Variants in DPP6 observed in about 807,000 individuals in gnomAD.
The protein encoded by DPP6 is dipeptidyl peptidase like 6, also known as A-type potassium channel modulatory protein DPP6.
Under a neutral mutation model 122.6 loss-of-function variants are expected in DPP6, and 69 were observed. That is an observed-to-expected ratio of 0.56 (90% CI 0.46 to 0.69). The LOEUF (loss-of-function observed/expected upper bound fraction) is 0.69. Among genes scored for constraint, DPP6 ranks in the 30% least tolerant of loss-of-function variants. The probability of loss-of-function intolerance (pLI) is 0.00; values close to 1 mark genes in which losing one functional copy is unlikely to be tolerated. For synonymous variants in DPP6, 418 were observed against 433.1 expected (o/e 0.97, Z 0.43); for missense variants, 928 against 1,116.9 (o/e 0.83, Z 2.41).
chr7:154,845,172 A>ACGCTGAGT (rs899941580), intron 16 of DPP6, among the ~76,000 whole-genome samples: 2 of 152,188 alleles, frequency 1.3e-5, no homozygotes, highest in African/African-American at 4.8e-5. Context: ...TTTTTATACA[A>ACGCTGAGT]CGCTGAGTCC....
chr7:153,976,681 A>G (rs1210414940), intron 1 of DPP6, among the ~76,000 whole-genome samples: 1 of 152,254 alleles, frequency 6.6e-6, no homozygotes. Flanking sequence ...AAGAAAATGA[A>G]TATTTTCAAA....
intron 17 of DPP6, among the ~76,000 whole-genome samples, chr7:154,860,601 G>C (rs959512629): frequency 1.3e-5 from 2 of 152,234 alleles, no homozygotes; most frequent in African/African-American, 2.4e-5. Context: ...AGTCCAGGGA[G>C]GTGTGGCACT....
intron 1 of DPP6, among the ~76,000 whole-genome samples, chr7:154,225,115 C>G (rs1800518776): frequency 6.6e-6 from 1 of 152,084 alleles, no homozygotes; most frequent in Non-Finnish European, 1.5e-5. Context: ...GCACTCCAGC[C>G]TGGGTGACAG....
chr7:154,367,505 TCCA>T (rs1812285152), intron 1 of DPP6, among the ~76,000 whole-genome samples: 1 of 152,238 alleles, frequency 6.6e-6, no homozygotes, highest in African/African-American at 2.4e-5. Flanking sequence ...TAAGAAAATC[TCCA>T]CCAACACCTG....
At chr7:154,203,597 A>G (rs1430180410) in intron 1 of DPP6, among the ~76,000 whole-genome samples, 1 of 152,204 alleles carries the variant, frequency 6.6e-6, no homozygotes, top group Non-Finnish European at 1.5e-5. Flanking sequence ...CTGAGCACCA[A>G]GCAAGCGACA....
chr7:153,814,413 A>T, the DPP6 span, among the ~76,000 whole-genome samples: 1 of 152,254 alleles, frequency 6.6e-6, no homozygotes, highest in South Asian at 2.1e-4. Flanking sequence ...ACCAGGAAGA[A>T]GTTGACTCTC....
chr7:154,759,911 C>CA (rs1417822473), intron 8 of DPP6, among the ~76,000 whole-genome samples: 2 of 152,190 alleles, frequency 1.3e-5, no homozygotes, highest in African/African-American at 4.8e-5. Flanking sequence ...ATCACGAGGT[C>CA]AGGAGTTCAA....
At chr7:154,378,597 G>A (rs1364521042) in intron 1 of DPP6, among the ~76,000 whole-genome samples, 1 of 152,194 alleles carries the variant, frequency 6.6e-6, no homozygotes, top group Admixed American at 6.5e-5. Context: ...CAGAAAGAGA[G>A]AGAGAAGAGA....
intron 1 of DPP6, among the ~76,000 whole-genome samples, chr7:154,151,809 G>A (rs201321328): frequency 7.1e-4 from 105 of 147,144 alleles, no homozygotes; most frequent in African/African-American, 1.9e-3. Flanking sequence ...CCACAGCCCC[G>A]CCTCAGCCTC....
At chr7:154,840,028 G>C (rs536026099) in intron 16 of DPP6, among the ~76,000 whole-genome samples, 1 of 152,302 alleles carries the variant, frequency 6.6e-6, no homozygotes, top group South Asian at 2.1e-4. Flanking sequence ...AAGGGTGGAG[G>C]TTAAGAGAGG....
intron 2 of DPP6, among the ~76,000 whole-genome samples, chr7:154,473,755 CA>C (rs1822489679): frequency 6.6e-6 from 1 of 151,946 alleles, no homozygotes; most frequent in South Asian, 2.1e-4. Context: ...AACAACAGTC[CA>C]AAAAGCGTAA....
chr7:154,309,387 G>A (rs1170453722), intron 1 of DPP6, among the ~76,000 whole-genome samples: 2 of 151,994 alleles, frequency 1.3e-5, no homozygotes, highest in Non-Finnish European at 2.9e-5. Context: ...TAAATTTGGT[G>A]TCTGAACATA....
At chr7:154,802,671 A>G (rs1798444032) in intron 13 of DPP6, among the ~76,000 whole-genome samples, 1 of 152,134 alleles carries the variant, frequency 6.6e-6, no homozygotes, top group Non-Finnish European at 1.5e-5. Context: ...CCAGTGGCCA[A>G]CATGGCGAAA....
At chr7:153,815,132 T>C in the DPP6 span, among the ~76,000 whole-genome samples, 1 of 152,074 alleles carries the variant, frequency 6.6e-6, no homozygotes, top group African/African-American at 2.4e-5. Context: ...GAGAAGGAAA[T>C]AAAGGGTATT....
intron 1 of DPP6, among the ~76,000 whole-genome samples, chr7:154,437,876 G>A (rs1160991128): frequency 1.3e-5 from 2 of 152,182 alleles, no homozygotes; most frequent in Admixed American, 6.5e-5. Flanking sequence ...GGCAGAGATT[G>A]TAGTGAGCCA....
At chr7:154,398,053 A>G (rs1336689345) in intron 1 of DPP6, among the ~76,000 whole-genome samples, 4 of 152,234 alleles carry the variant, frequency 2.6e-5, no homozygotes, top group Non-Finnish European at 5.9e-5. Flanking sequence ...AATTCTGGGC[A>G]TGGTAAAACT....
intron 1 of DPP6, among the ~76,000 whole-genome samples, chr7:154,359,823 A>G (rs1811576603): frequency 6.6e-6 from 1 of 152,234 alleles, no homozygotes; most frequent in Non-Finnish European, 1.5e-5. Context: ...CAAACACTAC[A>G]GCACTTGAGT....
rs537661099 is a variant in DPP6 at position 154,769,456 on chromosome 7, C to T, written c.923C>T (p.Pro308Leu). Residue 308 changes from proline (P) to leucine (L), a missense_variant, in exon 9 of 26, where the codon CCG becomes CTG. Pro to Leu is a moderately conservative substitution (Grantham distance 98). Transcript: ENST00000377770. ...ACACACATCGCACACTGGTGGTCTC[C>T]GGATGGCACGAGACTCGCCTACGCC... ...LKTHIAHWWS[P>L]DGTRLAYAAI... The T allele has an allele frequency of 5.3e-5, 86 of 1,613,696 alleles. No individual in the cohort carries two copies. The highest frequency in any genetic ancestry group is 5.8e-5 in the Non-Finnish European group (68 of 1,179,848).
chr7:153,980,364 G>A (rs1796521095), intron 1 of DPP6, among the ~76,000 whole-genome samples: 1 of 151,916 alleles, frequency 6.6e-6, no homozygotes, highest in Non-Finnish European at 1.5e-5. Flanking sequence ...TGATGGTAGT[G>A]TGTATTTTGT....
Sources: allele counts gnomAD v4.1 joint callset (sites outside exome capture counted in the v4.1 genomes callset), GRCh38; gene constraint gnomAD v4.1.1; transcripts MANE v1.5; gene names NCBI Gene and HGNC (gene_info 2026-07-23, HGNC 2026-07-21).